Variants in TIMP2 observed in about 807,000 individuals in gnomAD.
The protein encoded by TIMP2 is TIMP metallopeptidase inhibitor 2.
Under a neutral mutation model 24.3 loss-of-function variants are expected in TIMP2, and 5 were observed. That is an observed-to-expected ratio of 0.21 (90% CI 0.11 to 0.43). The LOEUF is 0.43. Among genes scored for constraint, TIMP2 ranks in the 20% least tolerant of loss-of-function variants. The pLI, the probability that TIMP2 is intolerant of heterozygous loss-of-function variation, is 1.00. For synonymous variants in TIMP2, 130 were observed against 123.2 expected, an observed-to-expected ratio of 1.06 and a Z score of -0.37; for missense variants, 221 against 297.5, an observed-to-expected ratio of 0.74 and a Z score of 1.89.
chr17:78,863,009 C>T (rs572911540), intron 3 of TIMP2, among the ~76,000 whole-genome samples: 13 of 152,286 alleles, frequency 8.5e-5, no homozygotes, highest in African/African-American at 3.1e-4. Context: ...GCAGATAGTG[C>T]GGTAATGAAC....
chr17:78,866,301 C>A (rs2069615481), intron 3 of TIMP2, among the ~76,000 whole-genome samples: 1 of 152,108 alleles, frequency 6.6e-6, no homozygotes, highest in Non-Finnish European at 1.5e-5. Context: ...AGCTCTCCTG[C>A]CTCCTCTGTG....
chr17:78,873,796 G>A (rs138576252), intron 2 of TIMP2, 23 bp downstream of exon 2: 28,880 of 1,599,826 alleles, frequency 0.018, 321 homozygotes, highest in Non-Finnish European at 0.022. Context: ...AGTGCAGCCC[G>A]GGATGCCGGC....
At chr17:78,858,559 C>T (rs542059511) in intron 3 of TIMP2, among the ~76,000 whole-genome samples, 115 of 152,262 alleles carry the variant, frequency 7.6e-4, no homozygotes, top group Middle Eastern at 6.8e-3. Flanking sequence ...CTTGCTCTGT[C>T]GCTCAGGCCA....
intron 1 of TIMP2, chr17:78,902,744 T>C (rs2070114621): frequency 6.6e-6 from 1 of 152,334 alleles, no homozygotes; most frequent in South Asian, 2.1e-4. Flanking sequence ...TCACTAAACA[T>C]ACCTCGACAG....
At chr17:78,893,911 A>T (rs1010815860) in intron 1 of TIMP2, among the ~76,000 whole-genome samples, 1 of 152,160 alleles carries the variant, frequency 6.6e-6, no homozygotes. Context: ...CTGATGCCAG[A>T]AACAGCCAGA....
chr17:78,857,742 G>A (rs112729154), intron 3 of TIMP2, 96 bp from the exon 4 acceptor site: 2 of 1,526,342 alleles, frequency 1.3e-6, no homozygotes, highest in Admixed American at 1.8e-5. Context: ...GGATTTCGTT[G>A]CAACAATCCT....
intron 3 of TIMP2, among the ~76,000 whole-genome samples, chr17:78,861,035 C>CAAAA (rs33915258): frequency 0.025 from 3,513 of 141,702 alleles, 154 homozygotes; most frequent in African/African-American, 0.085. Flanking sequence ...GACTCCGTCT[C>CAAAA]AAAAAAAAAA....
At chr17:78,919,251 T>C (rs925582084) in intron 1 of TIMP2, among the ~76,000 whole-genome samples, 1 of 152,242 alleles carries the variant, frequency 6.6e-6, no homozygotes, top group Non-Finnish European at 1.5e-5. Flanking sequence ...CTTTGGTGGC[T>C]GCGTGGGTCC....
chr17:78,871,824 A>C (rs904462192), intron 2 of TIMP2, among the ~76,000 whole-genome samples: 4 of 149,436 alleles, frequency 2.7e-5, no homozygotes, highest in African/African-American at 7.5e-5. Context: ...CCAGCCTGGG[A>C]GACAGCAAGA....
intron 1 of TIMP2, 114 bp from the exon 2 acceptor site, chr17:78,874,033 G>C: frequency 1.1e-6 from 1 of 893,154 alleles, no homozygotes; most frequent in East Asian, 2.5e-5. Context: ...ACAGACAGCA[G>C]CAAGGTGCGA....
chr17:78,898,304 C>T (rs568220878), intron 1 of TIMP2: 9 of 152,390 alleles, frequency 5.9e-5, no homozygotes, highest in African/African-American at 1.2e-4. Flanking sequence ...CCACATAGCT[C>T]GTAATCAGGG....
At position 78,924,845 on chromosome 17, in the gene TIMP2, G is replaced by C; in HGVS notation, c.130+114C>G. The C allele has an allele frequency of 1.7e-6, 1 of 601,088 alleles. No individual in the cohort carries two copies. The highest frequency in any genetic ancestry group is 5.0e-5 in the East Asian group (1 of 20,054). The allele number at this position is 601,088 out of a possible 1,614,324, so 37.2% of individuals were successfully genotyped here. A position where few individuals can be genotyped will look rare whatever the true frequency, so the allele number is the denominator to read the frequency against. ...GATTCGAGAAGGCGCCGAGGGACCAGGAGGCGGGCGCTGGGGTCCCTCGGC... is the reference window on the plus strand; with the variant it reads ...GATTCGAGAAGGCGCCGAGGGACCACGAGGCGGGCGCTGGGGTCCCTCGGC... On this transcript the variant is annotated intron_variant, in intron 1 of 4. Coordinates refer to ENST00000262768, the MANE Select transcript of TIMP2 (RefSeq NM_003255.5). This position sits in a 1 kb window ranked among gnomAD's most constrained non-coding sequence, Gnocchi z 5.3.
chr17:78,917,409 G>A (rs998872035), intron 1 of TIMP2, among the ~76,000 whole-genome samples: 6 of 152,184 alleles, frequency 3.9e-5, no homozygotes, highest in Admixed American at 2.0e-4. Flanking sequence ...CAGCCTGGGC[G>A]ACAGAGCAAA....
At chr17:78,912,597 C>T (rs1021903172) in intron 1 of TIMP2, among the ~76,000 whole-genome samples, 3 of 152,188 alleles carry the variant, frequency 2.0e-5, no homozygotes, top group South Asian at 2.1e-4. Flanking sequence ...TCTTCAGCAT[C>T]GGCTTGGAGA....
At chr17:78,916,477 G>C (rs2070258998) in intron 1 of TIMP2, among the ~76,000 whole-genome samples, 1 of 152,144 alleles carries the variant, frequency 6.6e-6, no homozygotes, top group South Asian at 2.1e-4. Flanking sequence ...CTACCCGCCT[G>C]AGCTCCTGAC....
intron 1 of TIMP2, chr17:78,892,372 G>A: frequency 6.4e-7 from 1 of 1,550,668 alleles, no homozygotes; most frequent in Non-Finnish European, 8.7e-7. Context: ...CAGCTTCCCA[G>A]GGAAGGTGCT....
At chr17:78,884,718 G>A (rs2069810235) in intron 1 of TIMP2, among the ~76,000 whole-genome samples, 1 of 152,200 alleles carries the variant, frequency 6.6e-6, no homozygotes, top group South Asian at 2.1e-4. Context: ...TGCAAGTGCA[G>A]GCTGCACCCC....
At chr17:78,911,304 C>G (rs1179399498) in intron 1 of TIMP2, among the ~76,000 whole-genome samples, 6 of 152,172 alleles carry the variant, frequency 3.9e-5, no homozygotes, top group African/African-American at 1.2e-4. Context: ...GCCTTTCTTC[C>G]TTAAGGGCTC....
intron 3 of TIMP2, among the ~76,000 whole-genome samples, chr17:78,860,029 A>T (rs1292769837): frequency 6.6e-6 from 1 of 151,990 alleles, no homozygotes; most frequent in African/African-American, 2.4e-5. Flanking sequence ...ACAAAAAATT[A>T]GCCGGGTGTG....
Sources: allele counts gnomAD v4.1 joint callset (sites outside exome capture counted in the v4.1 genomes callset), GRCh38; gene constraint gnomAD v4.1.1; non-coding constraint Gnocchi (gnomAD v3.1); transcripts MANE v1.5; gene names NCBI Gene and HGNC (gene_info 2026-07-23, HGNC 2026-07-21).